Variants in SIPA1L2 observed in about 807,000 individuals in gnomAD.
The protein encoded by SIPA1L2 is signal induced proliferation associated 1 like 2.
In SIPA1L2, 56 loss-of-function variants were observed where a neutral mutation model predicts 163.9. That is an observed-to-expected ratio of 0.34 (90% CI 0.28 to 0.43). SIPA1L2 has a LOEUF of 0.43. SIPA1L2 is among the 20% of genes least tolerant of loss of function. SIPA1L2 has a pLI of 1.00. For missense variants in SIPA1L2, 1,974 were observed against 2,193.5 expected (o/e 0.90, Z 2.00); for synonymous variants, 877 against 865.7 (o/e 1.01, Z -0.23).
chr1:232,526,030 A>T (rs191911713), intron 2 of SIPA1L2, among the ~76,000 whole-genome samples: 1 of 152,348 alleles, frequency 6.6e-6, no homozygotes, highest in Admixed American at 6.5e-5. Flanking sequence ...GGGATAGACC[A>T]AGCTGCTGGC....
chr1:232,405,715 A>C (rs542281485), intron 19 of SIPA1L2, among the ~76,000 whole-genome samples: 1 of 152,358 alleles, frequency 6.6e-6, no homozygotes, highest in East Asian at 1.9e-4. Flanking sequence ...AAGAAAATGG[A>C]TAAAAATTTG....
chr1:232,401,006 C>T (rs1204654442), intron 22 of SIPA1L2, among the ~76,000 whole-genome samples: 1 of 152,162 alleles, frequency 6.6e-6, no homozygotes, highest in Non-Finnish European at 1.5e-5. Flanking sequence ...CCACCAACAC[C>T]TCCAACCCAG....
At chr1:232,617,564 C>T (rs963497283) in intron 1 of SIPA1L2, among the ~76,000 whole-genome samples, 54 of 152,030 alleles carry the variant, frequency 3.6e-4, no homozygotes, top group Non-Finnish European at 7.5e-4. Context: ...TTGAAAGCAG[C>T]TTTATACACA....
At chr1:232,516,994 G>T (rs1053130082) in intron 2 of SIPA1L2, among the ~76,000 whole-genome samples, 4 of 152,128 alleles carry the variant, frequency 2.6e-5, no homozygotes, top group Non-Finnish European at 5.9e-5. Flanking sequence ...AAAAATATTT[G>T]TAATTAAAGA....
At chr1:232,557,118 C>A (rs575070156) in intron 2 of SIPA1L2, among the ~76,000 whole-genome samples, 1 of 152,194 alleles carries the variant, frequency 6.6e-6, no homozygotes, top group African/African-American at 2.4e-5. Context: ...CACTGCACAG[C>A]GCCTGTGTAA....
intron 10 of SIPA1L2, among the ~76,000 whole-genome samples, chr1:232,453,163 T>C (rs1412714558): frequency 6.6e-6 from 1 of 152,256 alleles, no homozygotes; most frequent in Non-Finnish European, 1.5e-5. Flanking sequence ...ATTTTATTCT[T>C]TTCATCTTAC....
At chr1:232,564,611 A>C (rs1659295000) in intron 2 of SIPA1L2, among the ~76,000 whole-genome samples, 1 of 152,110 alleles carries the variant, frequency 6.6e-6, no homozygotes, top group South Asian at 2.1e-4. Flanking sequence ...TACAAAGTTA[A>C]AAGCTACATG....
At position 232,504,364 on chromosome 1, in the gene SIPA1L2, C is replaced by G. The variant is rs537315360; in HGVS notation, c.1483+9493G>C. ...GACCAGCCTGGCCAACATGGCGAAC[C>G]CCATCTCTACTAAAAATAAACGAAC... On this transcript the variant is annotated intron_variant, in intron 3 of 22. Coordinates refer to ENST00000674635, the MANE Select transcript of SIPA1L2 (RefSeq NM_020808.5). Among the ~76,000 whole-genome samples the G allele has an allele frequency of 5.9e-5, 9 of 151,990 alleles. 1 individual carries two copies. The highest frequency in any genetic ancestry group is 5.9e-4 in the Admixed American group (9 of 15,270).
intron 7 of SIPA1L2, among the ~76,000 whole-genome samples, chr1:232,473,470 T>C (rs1168825458): frequency 6.6e-6 from 1 of 150,600 alleles, no homozygotes; most frequent in Non-Finnish European, 1.5e-5. Flanking sequence ...AAACACAGGG[T>C]GCAGGGAGGG....
At chr1:232,497,297 G>A (rs1443031077) in intron 3 of SIPA1L2, among the ~76,000 whole-genome samples, 2 of 152,150 alleles carry the variant, frequency 1.3e-5, no homozygotes, top group Non-Finnish European at 2.9e-5. Context: ...TTTTAGAAAA[G>A]TCAATTTTAC....
chr1:232,592,968 G>A (rs1175630495), intron 1 of SIPA1L2, among the ~76,000 whole-genome samples: 1 of 151,996 alleles, frequency 6.6e-6, no homozygotes, highest in East Asian at 1.9e-4. Context: ...GAAATTCTCG[G>A]TTTTAATAGT....
intron 1 of SIPA1L2, among the ~76,000 whole-genome samples, chr1:232,599,046 G>A (rs1025313006): frequency 6.6e-6 from 1 of 151,600 alleles, no homozygotes; most frequent in Non-Finnish European, 1.5e-5. Flanking sequence ...TGCTTTAATG[G>A]AGCAATTTCC....
chr1:232,567,448 T>C (rs968016262), intron 2 of SIPA1L2, among the ~76,000 whole-genome samples: 1 of 152,104 alleles, frequency 6.6e-6, no homozygotes, highest in African/African-American at 2.4e-5. Flanking sequence ...TAATAAATTA[T>C]TGTCATTTAT....
At position 232,420,325 on chromosome 1, in the gene SIPA1L2, AAAC is replaced by A. The variant is rs200070945; in HGVS notation, c.4631-4703_4631-4701del. ...GCAACAAGAGCGAAACTCCGTCTCC[AAAC>A]AACAACAAAAAAAGATACACATAGT... On this transcript the variant is annotated intron_variant, in intron 18 of 22. Transcript: ENST00000674635. Among the ~76,000 whole-genome samples the A allele has an allele frequency of 7.3e-3, 1,107 of 152,240 alleles. 10 individuals carry two copies. The highest frequency in any genetic ancestry group is 0.024 in the African/African-American group (1,006 of 41,532).
chr1:232,474,501 A>G (rs1664941553), intron 7 of SIPA1L2, among the ~76,000 whole-genome samples: 1 of 152,194 alleles, frequency 6.6e-6, no homozygotes, highest in African/African-American at 2.4e-5. Context: ...GTTTTAACTT[A>G]GTGCAAAAAT....
chr1:232,422,379 T>C (rs1414601182), intron 18 of SIPA1L2, among the ~76,000 whole-genome samples: 4 of 152,178 alleles, frequency 2.6e-5, no homozygotes, highest in East Asian at 1.9e-4. Flanking sequence ...AGAAGAAAGA[T>C]TGAGACAGAT....
intron 2 of SIPA1L2, among the ~76,000 whole-genome samples, chr1:232,553,123 C>T (rs529834554): frequency 5.3e-5 from 8 of 152,116 alleles, no homozygotes; most frequent in Non-Finnish European, 8.8e-5. Context: ...GGGGTTTTAC[C>T]GAGTGGTGGA....
chr1:232,590,715 C>CA (rs1373133759), intron 1 of SIPA1L2, among the ~76,000 whole-genome samples: 2 of 139,952 alleles, frequency 1.4e-5, no homozygotes, highest in Admixed American at 7.2e-5. Flanking sequence ...CATAAAAAAA[C>CA]AAAAAAAGGA....
chr1:232,628,298 T>A (rs6659207), intron 1 of SIPA1L2, among the ~76,000 whole-genome samples: 50,137 of 152,076 alleles, frequency 0.33, 9,073 homozygotes, highest in Non-Finnish European at 0.41. Context: ...TTTAACTGCA[T>A]CTCTTCCCAA....
Sources: allele counts gnomAD v4.1 joint callset (sites outside exome capture counted in the v4.1 genomes callset), GRCh38; gene constraint gnomAD v4.1.1; transcripts MANE v1.5; gene names NCBI Gene and HGNC (gene_info 2026-07-23, HGNC 2026-07-21).